Variants in ROBO1 observed in about 807,000 individuals in gnomAD.
ROBO1 encodes the protein roundabout guidance receptor 1, also known as roundabout homolog 1.
A neutral mutation model predicts 195.9 loss-of-function variants in ROBO1; 149 were observed. The observed-to-expected ratio is 0.76, with a 90% CI of 0.67 to 0.87. The LOEUF (loss-of-function observed/expected upper bound fraction) is 0.87. Ranked by LOEUF, ROBO1 falls within the 40% of genes least tolerant of loss-of-function variation. The probability of loss-of-function intolerance (pLI) is 0.00; values close to 1 mark genes in which losing one functional copy is unlikely to be tolerated. For missense variants in ROBO1, 1,933 were observed against 2,068.3 expected, an observed-to-expected ratio of 0.93 and a Z score of 1.27; for synonymous variants, 816 against 733.2, an observed-to-expected ratio of 1.11 and a Z score of -1.82.
At chr3:79,067,296 T>C (rs1330126141) in intron 3 of ROBO1, among the ~76,000 whole-genome samples, 2 of 151,956 alleles carry the variant, frequency 1.3e-5, no homozygotes, top group East Asian at 1.9e-4. Flanking sequence ...TTAAGACAAA[T>C]AAAACCAAGT....
intron 2 of ROBO1, among the ~76,000 whole-genome samples, chr3:79,247,867 G>A (rs2082652823): frequency 6.6e-6 from 1 of 152,104 alleles, no homozygotes; most frequent in Non-Finnish European, 1.5e-5. Flanking sequence ...CCCAGACACA[G>A]AATAAATAAG....
In ROBO1 at chr3:79,556,876, C is replaced by A. The variant is rs964881323; in HGVS notation, c.88+32948G>T. The stretch of plus-strand genomic sequence containing the variant: ...TAACATTCAGCAACATTCTCTTCTA[C>A]ACTTACTCTCACATGCAATTTTTAT... On this transcript the variant is annotated intron_variant, in intron 2 of 30. Coordinates refer to ENST00000464233, the MANE Select transcript of ROBO1 (RefSeq NM_002941.4). Among the ~76,000 whole-genome samples, 5 of 151,528 alleles carry A rather than the reference C, an allele frequency of 3.3e-5. No homozygotes were observed. The East Asian group carries it at 7.7e-4, about 23-fold the overall frequency.
At chr3:79,488,441 G>A (rs184892276) in intron 2 of ROBO1, among the ~76,000 whole-genome samples, 73 of 152,266 alleles carry the variant, frequency 4.8e-4, no homozygotes, top group African/African-American at 1.7e-3. Flanking sequence ...ATGTGCATAT[G>A]AAGATAGAGA....
At chr3:78,990,452 G>A (rs1240471625) in intron 3 of ROBO1, among the ~76,000 whole-genome samples, 2 of 152,146 alleles carry the variant, frequency 1.3e-5, no homozygotes, top group Non-Finnish European at 2.9e-5. Flanking sequence ...ATAAGCAACA[G>A]TGAAGACAAG....
chr3:79,732,982 A>C (rs1356771134), intron 1 of ROBO1, among the ~76,000 whole-genome samples: 1 of 152,166 alleles, frequency 6.6e-6, no homozygotes, highest in East Asian at 1.9e-4. Flanking sequence ...ATTATTTCCG[A>C]AACCCAAATT....
intron 2 of ROBO1, among the ~76,000 whole-genome samples, chr3:79,441,605 C>T (rs1306834869): frequency 1.3e-5 from 2 of 152,040 alleles, no homozygotes; most frequent in African/African-American, 4.8e-5. Flanking sequence ...CATTACTCTC[C>T]TTAGTCCTTC....
At chr3:78,998,843 T>C (rs183898792) in intron 3 of ROBO1, among the ~76,000 whole-genome samples, 11 of 152,256 alleles carry the variant, frequency 7.2e-5, no homozygotes, top group African/African-American at 2.4e-4. Flanking sequence ...CTATTTTGGA[T>C]AGGCAGTTAC....
At position 78,683,530 on chromosome 3, in the gene ROBO1, T is replaced by C. The variant is rs144402549; in HGVS notation, c.1342+2216A>G. ...TTTTAAGACTTAGTATAAGCTACAA[T>C]AATTAACACATATGGGCCGGGCGTG... On this transcript the variant is annotated intron_variant, in intron 10 of 30. Transcript: ENST00000464233. Among the ~76,000 whole-genome samples, 4 of 152,060 alleles carry C rather than the reference T, an allele frequency of 2.6e-5. No individual in the cohort carries two copies. The East Asian group carries it at 7.7e-4, about 29-fold the overall frequency.
chr3:79,025,604 T>G (rs1191201806), intron 3 of ROBO1, among the ~76,000 whole-genome samples: 1 of 150,744 alleles, frequency 6.6e-6, no homozygotes, highest in Non-Finnish European at 1.5e-5. Context: ...AAGTTTATTT[T>G]CTCTAATATA....
intron 4 of ROBO1, among the ~76,000 whole-genome samples, chr3:78,895,003 T>C (rs1402005975): frequency 1.3e-5 from 2 of 152,228 alleles, no homozygotes; most frequent in Admixed American, 1.3e-4. Context: ...CATTAATCAA[T>C]GTTCAGAGGC....
chr3:78,676,872 G>A (rs962913959), intron 10 of ROBO1, among the ~76,000 whole-genome samples: 1 of 152,096 alleles, frequency 6.6e-6, no homozygotes, highest in Non-Finnish European at 1.5e-5. Flanking sequence ...ACACATAATT[G>A]TCAGATTCAC....
intron 3 of ROBO1, among the ~76,000 whole-genome samples, chr3:79,028,398 T>C (rs1366883380): frequency 6.6e-6 from 1 of 151,840 alleles, no homozygotes; most frequent in Non-Finnish European, 1.5e-5. Flanking sequence ...AGACATAAAA[T>C]ATTCTTTAAC....
chr3:79,715,380 C>A (rs981623168), intron 1 of ROBO1, among the ~76,000 whole-genome samples: 1 of 152,124 alleles, frequency 6.6e-6, no homozygotes, highest in South Asian at 2.1e-4. Context: ...CCCCAACCTT[C>A]GGCAACCATC....
At chr3:78,860,527 T>C (rs973801878) in intron 4 of ROBO1, among the ~76,000 whole-genome samples, 4 of 151,730 alleles carry the variant, frequency 2.6e-5, no homozygotes, top group Admixed American at 6.6e-5. Flanking sequence ...ATCATCATAA[T>C]AATACAAGGA....
chr3:79,069,104 C>A (rs561891425), intron 3 of ROBO1, among the ~76,000 whole-genome samples: 5 of 151,868 alleles, frequency 3.3e-5, no homozygotes, highest in African/African-American at 1.2e-4. Context: ...TAAAGACTAT[C>A]TCTTTCAGGA....
At chr3:78,705,902 A>AC (rs1035698776) in intron 8 of ROBO1, among the ~76,000 whole-genome samples, 22 of 151,796 alleles carry the variant, frequency 1.4e-4, no homozygotes, top group Admixed American at 2.6e-4. Flanking sequence ...GGAATTCTTG[A>AC]CCCCCCCATA....
chr3:79,112,302 C>T (rs562425079), intron 3 of ROBO1, among the ~76,000 whole-genome samples: 1 of 152,182 alleles, frequency 6.6e-6, no homozygotes, highest in Admixed American at 6.5e-5. Flanking sequence ...TTGAACAAGG[C>T]ATTTGCACTC....
At chr3:79,013,527 T>C (rs1436694486) in intron 3 of ROBO1, among the ~76,000 whole-genome samples, 1 of 152,210 alleles carries the variant, frequency 6.6e-6, no homozygotes, top group Non-Finnish European at 1.5e-5. Context: ...CACAGTTTCA[T>C]TTAAGTGGAT....
intron 1 of ROBO1, among the ~76,000 whole-genome samples, chr3:79,609,149 ATT>A (rs1944578776): frequency 6.6e-6 from 1 of 151,926 alleles, no homozygotes; most frequent in African/African-American, 2.4e-5. Context: ...AGTCTCAGAT[ATT>A]TTGTTTTAGC....
Sources: allele counts gnomAD v4.1 joint callset (sites outside exome capture counted in the v4.1 genomes callset), GRCh38; gene constraint gnomAD v4.1.1; transcripts MANE v1.5; gene names NCBI Gene and HGNC (gene_info 2026-07-23, HGNC 2026-07-21).